Variants in ZBBX observed in about 807,000 individuals in gnomAD.
ZBBX encodes zinc finger B-box domain containing.
Under a neutral mutation model 108.5 loss-of-function variants are expected in ZBBX, and 101 were observed. The observed-to-expected ratio is 0.93, with a 90% CI of 0.79 to 1.10. The LOEUF is 1.10. Among genes scored for constraint, ZBBX ranks in the 50% least tolerant of loss-of-function variants. ZBBX has a pLI of 0.00. For missense variants in ZBBX, 1,009 were observed against 941.4 expected (o/e 1.07, Z -0.94); for synonymous variants, 356 against 323.4 (o/e 1.10, Z -1.08).
At chr3:167,248,624 T>C (rs1312206035) in intron 20 of ZBBX, 1 of 456,604 alleles carries the variant, frequency 2.2e-6, no homozygotes, top group Admixed American at 2.3e-5. Flanking sequence ...AGTCCCAAAC[T>C]GGACTCCAAG....
chr3:167,191,930 T>TAGAGAGAGAGAGAGAG, the ZBBX span, among the ~76,000 whole-genome samples: 12 of 127,260 alleles, frequency 9.4e-5, no homozygotes, highest in African/African-American at 3.6e-4. Context: ...TATATATATA[T>TAGAGAGAGAGAGAGAG]ATATAGAGCA....
In ZBBX at chr3:167,282,250, T is replaced by C; in HGVS notation, c.2242A>G (p.Arg748Gly). Reference sequence around the variant, plus strand: ...AAAATAGGATTACCTGCAAGAGATCTCAGCACTTGTAATTCTTTTTCCAAA... The same window carrying C: ...AAAATAGGATTACCTGCAAGAGATCCCAGCACTTGTAATTCTTTTTCCAAA... The part of the protein sequence containing the change: ...DNLEKELQVL[R>G]SLADTSEKLY... Residue 748 changes from arginine (R) to glycine (G), a missense_variant, in exon 20 of 22, where the codon AGA (arginine) becomes GGA (glycine). Coordinates refer to ENST00000675490, the MANE Select transcript of ZBBX (RefSeq NM_001199201.2). The C allele has an allele frequency of 6.2e-7, 1 of 1,611,364 alleles. No individual in the cohort carries two copies. Among genetic ancestry groups the C allele is most frequent in the South Asian group, 1.1e-5 (1 of 90,350 alleles).
At chr3:167,351,163 G>GCCC (rs1742578370) in intron 8 of ZBBX, among the ~76,000 whole-genome samples, 1 of 151,830 alleles carries the variant, frequency 6.6e-6, no homozygotes, top group African/African-American at 2.4e-5. Context: ...CTGATAAAAT[G>GCCC]ATTATGGGCA....
At chr3:167,241,994 A>C (rs777934339) in intron 21 of ZBBX, among the ~76,000 whole-genome samples, 2 of 152,202 alleles carry the variant, frequency 1.3e-5, no homozygotes, top group Admixed American at 6.5e-5. Flanking sequence ...TATAACCTAC[A>C]TTCCTTGTAA....
chr3:167,300,786 T>G (rs1022493402), intron 17 of ZBBX, among the ~76,000 whole-genome samples: 1 of 151,920 alleles, frequency 6.6e-6, no homozygotes, highest in African/African-American at 2.4e-5. Flanking sequence ...CCCAGCTAAT[T>G]TTTGTATTTT....
chr3:167,295,850 C>A (rs146237799), intron 18 of ZBBX, among the ~76,000 whole-genome samples: 1,802 of 148,518 alleles, frequency 0.012, 40 homozygotes, highest in African/African-American at 0.042. Context: ...TGAGTTCTAT[C>A]ACACATTTGA....
In ZBBX at chr3:167,343,480, G is replaced by C. The variant is rs190739519; in HGVS notation, c.528+6940C>G. ...ATTTCCCCTTCCCTAGCTTTTCTTA[G>C]AACTGGCATCTAAAAGTAATTAGCA... On this transcript the variant is annotated intron_variant, in intron 9 of 21. Coordinates refer to ENST00000675490, the MANE Select transcript of ZBBX (RefSeq NM_001199201.2). Among the ~76,000 whole-genome samples, 12 of 151,772 alleles carry C rather than the reference G, an allele frequency of 7.9e-5. 1 individual carries two copies. The Admixed American group carries it at 7.9e-4, about 10-fold the overall frequency.
chr3:167,249,152 T>A (rs1474054762), intron 20 of ZBBX, among the ~76,000 whole-genome samples: 1 of 152,206 alleles, frequency 6.6e-6, no homozygotes, highest in Non-Finnish European at 1.5e-5. Flanking sequence ...GCAAAAAGGT[T>A]TGGCCAAATT....
At chr3:167,371,022 T>C (rs184669047) in intron 4 of ZBBX, among the ~76,000 whole-genome samples, 1 of 152,164 alleles carries the variant, frequency 6.6e-6, no homozygotes, top group Admixed American at 6.5e-5. Flanking sequence ...CACCAGAATG[T>C]CAGACAATGT....
chr3:167,289,964 T>G (rs1279431232), intron 18 of ZBBX, among the ~76,000 whole-genome samples: 3 of 152,098 alleles, frequency 2.0e-5, no homozygotes, highest in Non-Finnish European at 4.4e-5. Flanking sequence ...TAAACAAAGC[T>G]GCTGGGAAGT....
At chr3:167,396,895 G>GT (rs1748251062) in intron 1 of ZBBX, among the ~76,000 whole-genome samples, 1 of 151,510 alleles carries the variant, frequency 6.6e-6, no homozygotes, top group South Asian at 2.1e-4. Flanking sequence ...ATGCTGCTAT[G>GT]TTTTTCCTTT....
intron 9 of ZBBX, among the ~76,000 whole-genome samples, chr3:167,335,326 T>C (rs1249470585): frequency 2.0e-5 from 3 of 152,176 alleles, no homozygotes; most frequent in African/African-American, 4.8e-5. Flanking sequence ...ACTTTTCACA[T>C]GCTGTCAGAG....
the ZBBX span, among the ~76,000 whole-genome samples, chr3:167,186,337 A>T: frequency 5.9e-5 from 9 of 152,220 alleles, no homozygotes; most frequent in South Asian, 1.9e-3. Context: ...AGTTGTTCAT[A>T]AGCAGCTAAC....
At chr3:167,235,798 G>GC (rs200489160), downstream of ZBBX, among the ~76,000 whole-genome samples, 2,026 of 151,662 alleles carry the variant, frequency 0.013, 23 homozygotes, top group South Asian at 0.026. Context: ...GTTCATCTAT[G>GC]CTGCCGGTTA....
the ZBBX span, among the ~76,000 whole-genome samples, chr3:167,193,557 C>G: frequency 6.6e-6 from 1 of 152,042 alleles, no homozygotes; most frequent in African/African-American, 2.4e-5. Flanking sequence ...ATCTTGGGTT[C>G]CCTGGCAATG....
At chr3:167,389,581 T>G (rs1407023550) in intron 1 of ZBBX, among the ~76,000 whole-genome samples, 1 of 152,108 alleles carries the variant, frequency 6.6e-6, no homozygotes, top group East Asian at 1.9e-4. Flanking sequence ...TTGAACTAAT[T>G]TACACTCCCA....
chr3:167,349,286 T>C (rs893695518), intron 9 of ZBBX, among the ~76,000 whole-genome samples: 1 of 152,126 alleles, frequency 6.6e-6, no homozygotes, highest in Non-Finnish European at 1.5e-5. Flanking sequence ...AGAATGCCTT[T>C]TGTTAAATTC....
At chr3:167,185,585 C>T in the ZBBX span, among the ~76,000 whole-genome samples, 1 of 151,980 alleles carries the variant, frequency 6.6e-6, no homozygotes, top group Non-Finnish European at 1.5e-5. Context: ...ATACTTAAGT[C>T]CTATTATTAT....
At position 167,322,125 on chromosome 3, in the gene ZBBX, T is replaced by A. The variant is rs1415303991; in HGVS notation, c.975A>T (p.Lys325Asn). 5 of 1,298,588 alleles carry A rather than the reference T, an allele frequency of 3.9e-6. No individual in the cohort carries two copies. The highest frequency in any genetic ancestry group is 5.1e-6 in the Non-Finnish European group (5 of 980,246). The allele number at this position is 1,298,588 out of a possible 1,614,324, so 80.4% of individuals were successfully genotyped here. ...LSYMEKLWLK[K>N]HRRTPQEQLF... ...ATAATTTCAGAAAATACCTCCTGTG[T>A]TTTTTAAGCCATAATTTTTCCATAT... Residue 325 changes from lysine (K) to asparagine (N), a missense_variant, in exon 12 of 22, where the codon AAA becomes AAT. Lys to Asn is a moderately conservative substitution (Grantham distance 94). Coordinates refer to ENST00000675490, the MANE Select transcript of ZBBX (RefSeq NM_001199201.2).
Sources: allele counts gnomAD v4.1 joint callset (sites outside exome capture counted in the v4.1 genomes callset), GRCh38; gene constraint gnomAD v4.1.1; transcripts MANE v1.5; gene names NCBI Gene and HGNC (gene_info 2026-07-23, HGNC 2026-07-21).